The following TAF10 variants were observed in gnomAD, a reference collection of about 807,000 sequenced individuals.
The protein encoded by TAF10 is TATA-box binding protein associated factor 10.
A neutral mutation model predicts 18.1 loss-of-function variants in TAF10; 2 were observed. That is an observed-to-expected ratio of 0.11 (90% CI 0.05 to 0.35). The LOEUF (loss-of-function observed/expected upper bound fraction) is 0.35. TAF10 is among the 10% of genes least tolerant of loss of function. The probability of loss-of-function intolerance (pLI) is 1.00; values close to 1 mark genes in which losing one functional copy is unlikely to be tolerated. For missense variants in TAF10, 293 were observed against 306.9 expected (o/e 0.95, Z 0.34); for synonymous variants, 158 against 134.6 (o/e 1.17, Z -1.20).
chr11:6,610,254 C>T lies in TAF10; in HGVS notation c.*668G>A. On this transcript the variant is annotated 3_prime_UTR_variant, in exon 5 of 5. Coordinates refer to ENST00000299424, the MANE Select transcript of TAF10 (RefSeq NM_006284.4). ...CACGGGAGGTACCCTTTGCTGACCTCTCCAATATGGAGATTGGAATGAAGG... is the reference window on the plus strand; with the variant it reads ...CACGGGAGGTACCCTTTGCTGACCTTTCCAATATGGAGATTGGAATGAAGG... 1 of 1,614,168 alleles carries T rather than the reference C, an allele frequency of 6.2e-7. No individual in the cohort carries two copies. The highest frequency in any genetic ancestry group is 1.3e-5 in the African/African-American group (1 of 75,044).
rs779157270 is a variant in TAF10, at chr11:6,610,219, G to T, written c.*703C>A. ...GTGGAGTTTTGCAGTGCTTCTGTGG[G>T]AACTGGTGACACGGGAGGTACCCTT... On this transcript the variant is annotated 3_prime_UTR_variant, in exon 5 of 5. Transcript: ENST00000299424. 1 of 1,614,234 alleles carries T rather than the reference G, an allele frequency of 6.2e-7. No homozygotes were observed.
chr11:6,610,249 G>A lies in TAF10; in HGVS notation c.*673C>T, dbSNP rs730880112. 7 of 1,614,112 alleles carry A rather than the reference G, an allele frequency of 4.3e-6. No individual in the cohort carries two copies. Among genetic ancestry groups the A allele is most frequent in the Admixed American group, 3.3e-5 (2 of 60,018 alleles). ...GGTGACACGGGAGGTACCCTTTGCT[G>A]ACCTCTCCAATATGGAGATTGGAAT... On this transcript the variant is annotated 3_prime_UTR_variant, in exon 5 of 5. Coordinates refer to ENST00000299424, the MANE Select transcript of TAF10 (RefSeq NM_006284.4).
At chr11:6,611,543 T>G in intron 2 of TAF10, 91 bp from the exon 3 acceptor site, 1 of 1,598,528 alleles carries the variant, frequency 6.3e-7, no homozygotes, top group Middle Eastern at 1.7e-4. Flanking sequence ...ACAGTTTGGG[T>G]GAGCAGAGGG....
Position 6,609,689 on chromosome 11 carries a change from C to T in TAF10, c.*1233G>A, listed in dbSNP as rs755803042. ...TGGGGAGGAAATGGCAGAGAGGGAG[C>T]CTCTCTGAACTATTTGACTTTTGCC... On this transcript the variant is annotated 3_prime_UTR_variant, in exon 5 of 5. Transcript: ENST00000299424. The T allele has an allele frequency of 1.2e-6, 2 of 1,614,028 alleles. No individual in the cohort carries two copies. Among genetic ancestry groups the T allele is most frequent in the Non-Finnish European group, 1.7e-6 (2 of 1,180,018 alleles).
chr11:6,610,453 T>C lies in TAF10; in HGVS notation c.*469A>G. The C allele has an allele frequency of 6.2e-7, 1 of 1,614,232 alleles. No individual in the cohort carries two copies. The highest frequency in any genetic ancestry group is 1.7e-5 in the Admixed American group (1 of 60,034). ...AATTGTGAGGCTGCTTTTTTTCTTG[T>C]ATTCGCAGGTGGCATTGGAAGGCCT... On this transcript the variant is annotated 3_prime_UTR_variant, in exon 5 of 5. Coordinates refer to ENST00000299424, the MANE Select transcript of TAF10 (RefSeq NM_006284.4).
Position 6,608,744 on chromosome 11 carries a change from G to T in TAF10, c.*2178C>A, listed in dbSNP as rs1439612462. ...TCAGCATCTGTAACAAGTATGGAGAGATGCCTGTGGACAAAGCCAAGGCAC... is the reference window on the plus strand; with the variant it reads ...TCAGCATCTGTAACAAGTATGGAGATATGCCTGTGGACAAAGCCAAGGCAC... On this transcript the variant is annotated 3_prime_UTR_variant, in exon 5 of 5. Coordinates refer to ENST00000299424, the MANE Select transcript of TAF10 (RefSeq NM_006284.4). The surrounding 1 kb of genome is among the most constrained non-coding windows in gnomAD (Gnocchi z 4.9). 2 of 1,614,172 alleles carry T rather than the reference G, an allele frequency of 1.2e-6. No individual in the cohort carries two copies. Among genetic ancestry groups the T allele is most frequent in the South Asian group, 1.1e-5 (1 of 91,088 alleles).
At position 6,609,620 on chromosome 11, in the gene TAF10, T is replaced by C. The variant is rs1441279272; in HGVS notation, c.*1302A>G. 5 of 1,614,146 alleles carry C rather than the reference T, an allele frequency of 3.1e-6. No homozygotes were observed. The highest frequency in any genetic ancestry group is 1.7e-5 in the Admixed American group (1 of 60,024). On this transcript the variant is annotated 3_prime_UTR_variant, in exon 5 of 5. Transcript: ENST00000299424. ...GGATGCCGTATGGATCCCTCTACAA[T>C]GTACTACATGAAGGCACCAGTGAGT... is the stretch of plus-strand genomic sequence containing the variant.
chr11:6,611,257 C>T lies in TAF10; in HGVS notation c.499G>A (p.Ala167Thr). 6.2e-7 allele frequency: 1 copy of T among 1,614,082 alleles called. No homozygotes were observed. Among genetic ancestry groups the T allele is most frequent in the Non-Finnish European group, 8.5e-7 (1 of 1,180,038 alleles). The change falls in exon 4 of 5, where the codon GCC (alanine) becomes ACC (threonine). Residue 167 changes from alanine to threonine, a missense_variant. By Grantham distance (58) the Ala-to-Thr change is moderately conservative (BLOSUM62 0). Transcript: ENST00000299424. ...TTGCAGTGCTGTAGGGCATCATTGG[C>T]AATATCTGAGATGAATTTCTGGGCA... ...LAAQKFISDI[A>T]NDALQHCKMK...
In TAF10 at chr11:6,607,886, G is replaced by A. The variant is rs764048275; in HGVS notation, c.*3036C>T. ...TGGTTTGGTTTGAAGCTCAGGGGAAGGTCTGAAATGGACAGCTTTGGGAGT... is the reference window on the plus strand; with the variant it reads ...TGGTTTGGTTTGAAGCTCAGGGGAAAGTCTGAAATGGACAGCTTTGGGAGT... On this transcript the variant is annotated 3_prime_UTR_variant, in exon 5 of 5. Transcript: ENST00000299424. 24 of 693,792 alleles carry A rather than the reference G, an allele frequency of 3.5e-5. No individual in the cohort carries two copies. The highest frequency in any genetic ancestry group is 3.9e-4 in the Middle Eastern group (1 of 2,536). 43.0% of individuals were successfully genotyped at this position (693,792 alleles called of 1,614,324 possible).
In TAF10 at chr11:6,610,241, C is replaced by T; in HGVS notation, c.*681G>A. On this transcript the variant is annotated 3_prime_UTR_variant, in exon 5 of 5. Transcript: ENST00000299424. ...TGGGAACTGGTGACACGGGAGGTACCCTTTGCTGACCTCTCCAATATGGAG... is the reference window on the plus strand; with the variant it reads ...TGGGAACTGGTGACACGGGAGGTACTCTTTGCTGACCTCTCCAATATGGAG... The T allele has an allele frequency of 6.2e-7, 1 of 1,614,192 alleles. No homozygotes were observed. Among genetic ancestry groups the T allele is most frequent in the Non-Finnish European group, 8.5e-7 (1 of 1,180,034 alleles).
At position 6,608,125 on chromosome 11, in the gene TAF10, G is replaced by A. The variant is rs778110752; in HGVS notation, c.*2797C>T. The A allele has an allele frequency of 1.2e-6, 2 of 1,614,118 alleles. No homozygotes were observed. Among genetic ancestry groups the A allele is most frequent in the Non-Finnish European group, 1.7e-6 (2 of 1,179,998 alleles). On this transcript the variant is annotated 3_prime_UTR_variant, in exon 5 of 5. Transcript: ENST00000299424. The surrounding 1 kb of genome is among the most constrained non-coding windows in gnomAD (Gnocchi z 4.9). ...TGTGGTTGAGATGTTGATCATGCGG[G>A]GGGCACGGATCAATGTAATGAACCG...
chr11:6,610,445 T>A lies in TAF10; in HGVS notation c.*477A>T, dbSNP rs758622734. ...CAGACTCAAATTGTGAGGCTGCTTT[T>A]TTTCTTGTATTCGCAGGTGGCATTG... is the stretch of plus-strand genomic sequence containing the variant. On this transcript the variant is annotated 3_prime_UTR_variant, in exon 5 of 5. Coordinates refer to ENST00000299424, the MANE Select transcript of TAF10 (RefSeq NM_006284.4). The A allele has an allele frequency of 1.1e-5, 18 of 1,614,080 alleles. No homozygotes were observed. In the African/African-American group the frequency reaches 2.1e-4, roughly 19 times the overall value.
chr11:6,609,851 G>C lies in TAF10; in HGVS notation c.*1071C>G. 6.2e-7 allele frequency: 1 copy of C among 1,614,212 alleles called. No homozygotes were observed. ...TCAATAGCCGTAGTGTAATGGTGAG[G>C]CCACAAGCTCACTCCTGGCCCAGGC... On this transcript the variant is annotated 3_prime_UTR_variant, in exon 5 of 5. Coordinates refer to ENST00000299424, the MANE Select transcript of TAF10 (RefSeq NM_006284.4).
chr11:6,611,691 CAAG>C lies in TAF10; in HGVS notation c.357_359del (p.Phe119del). 6.2e-7 allele frequency: 1 copy of C among 1,603,232 alleles called. No individual in the cohort carries two copies. The highest frequency in any genetic ancestry group is 8.5e-7 in the Non-Finnish European group (1 of 1,174,222). On this transcript the variant is annotated inframe_deletion, in exon 2 of 5. Transcript: ENST00000299424. ...TAGGCGTGTAATCTTCCAGCTGCATCAAGAAGTCCACCAAAGGCGTGCTGGACA... is the reference window on the plus strand; with the variant it reads ...TAGGCGTGTAATCTTCCAGCTGCATCAAGTCCACCAAAGGCGTGCTGGACA...
At position 6,609,084 on chromosome 11, in the gene TAF10, GAACA is replaced by G. The variant is rs1239937302; in HGVS notation, c.*1834_*1837del. On this transcript the variant is annotated 3_prime_UTR_variant, in exon 5 of 5. Transcript: ENST00000299424. ...CCACACTCTTAGGAAATGGAACCCT[GAACA>G]AACACTCTGGCATTGACTTCAAACA... 1.2e-6 allele frequency: 2 copies of G among 1,614,062 alleles called. No homozygotes were observed. Among genetic ancestry groups the G allele is most frequent in the African/African-American group, 2.7e-5 (2 of 74,922 alleles).
Position 6,611,014 on chromosome 11 carries a change from G to C in TAF10, c.568-3C>G. On this transcript the variant is annotated splice_polypyrimidine_tract_variant and splice_region_variant and intron_variant, in intron 4 of 4. Coordinates refer to ENST00000299424, the MANE Select transcript of TAF10 (RefSeq NM_006284.4). The stretch of plus-strand genomic sequence containing the variant: ...ATGGTTAGAGTGTACTTGCGGTCCT[G>C]AGGGAAGAGGGAAGAGCACCAACTG... 6.2e-7 allele frequency: 1 copy of C among 1,613,828 alleles called. No homozygotes were observed. Among genetic ancestry groups the C allele is most frequent in the Non-Finnish European group, 8.5e-7 (1 of 1,179,928 alleles).
Position 6,612,022 on chromosome 11 carries a change from T to A in TAF10, c.168A>T (p.Ala56=), listed in dbSNP as rs781261609. 16 of 1,528,222 alleles carry A rather than the reference T, an allele frequency of 1.0e-5. 1 individual carries two copies. The East Asian group carries it at 3.7e-4, about 36-fold the overall frequency. 94.7% of individuals were successfully genotyped at this position (1,528,222 alleles called of 1,614,324 possible). A position where few individuals can be genotyped will look rare whatever the true frequency, so the allele number is the denominator to read the frequency against. The change falls in exon 1 of 5, where the codon GCA becomes GCT. Residue 56 remains alanine, a synonymous_variant. Coordinates refer to ENST00000299424, the MANE Select transcript of TAF10 (RefSeq NM_006284.4). ...CCAAGGGTCCCGTGCCCCCAGCAGC[T>A]GCTCCAGCCCCAGGTCCCCCCGCTG... ...AGTAGGPGAG[A]AAGGTGPLAA...
In TAF10 at chr11:6,607,908, G is replaced by T. The variant is rs1310387345; in HGVS notation, c.*3014C>A. ...GAAGGTCTGAAATGGACAGCTTTGG[G>T]AGTTGCTGGCATGAATGAGAATCAA... On this transcript the variant is annotated 3_prime_UTR_variant, in exon 5 of 5. Transcript: ENST00000299424. The T allele has an allele frequency of 1.2e-5, 10 of 848,944 alleles. No individual in the cohort carries two copies. The highest frequency in any genetic ancestry group is 1.7e-5 in the Non-Finnish European group (9 of 527,198). The allele number at this position is 848,944 out of a possible 1,614,324, so 52.6% of individuals were successfully genotyped here. A position where few individuals can be genotyped will look rare whatever the true frequency, so the allele number is the denominator to read the frequency against.
In TAF10 at chr11:6,608,393, G is replaced by A. The variant is rs1855157790; in HGVS notation, c.*2529C>T. The A allele has an allele frequency of 6.2e-7, 1 of 1,613,502 alleles. No homozygotes were observed. Among genetic ancestry groups the A allele is most frequent in the South Asian group, 1.1e-5 (1 of 91,070 alleles). ...TCTTTTTGTCTGGCCATGGGGTCCA[G>A]CTATTGCAGTACAAGGCAGACATCA... On this transcript the variant is annotated 3_prime_UTR_variant, in exon 5 of 5. Transcript: ENST00000299424. The surrounding 1 kb of genome is among the most constrained non-coding windows in gnomAD (Gnocchi z 4.9).
Sources: gnomAD v4.1 joint callset for allele counts on GRCh38, gnomAD v4.1.1 for gene constraint, Gnocchi (gnomAD v3.1) non-coding constraint, MANE v1.5 for transcripts, NCBI Gene and HGNC (gene_info 2026-07-23, HGNC 2026-07-21) for gene names.